Variants in CSGALNACT1 observed in about 807,000 individuals in gnomAD.
CSGALNACT1 encodes the protein beta4GalNAcT-1.
A neutral mutation model predicts 51.0 loss-of-function variants in CSGALNACT1; 52 were observed. The ratio of observed to expected loss-of-function variants is 1.02; its 90% CI spans 0.82 to 1.29. The LOEUF is 1.29. Ranked by LOEUF, CSGALNACT1 falls within the 50% of genes most tolerant of loss-of-function variation. The pLI, the probability that CSGALNACT1 is intolerant of heterozygous loss-of-function variation, is 0.00. For synonymous variants in CSGALNACT1, 341 were observed against 254.4 expected (o/e 1.34, Z -3.24); for missense variants, 935 against 679.2 (o/e 1.38, Z -4.19).
rs138372764 is a variant in CSGALNACT1, at chr8:19,431,681, G to C, written c.953+8149C>G. Among the ~76,000 whole-genome samples, 240 of 152,200 alleles carry C rather than the reference G, an allele frequency of 1.6e-3. 1 individual carries two copies. The highest frequency in any genetic ancestry group is 5.5e-3 in the African/African-American group (230 of 41,566). On this transcript the variant is annotated intron_variant, in intron 6 of 9. Transcript: ENST00000454498. ...ATCAGGGTAATGCTGGCTTCAAAGA[G>C]TAAGTTGGAAAGTGTTCTCTCCTCT...
chr8:19,585,936 G>A (rs2046532868), intron 3 of CSGALNACT1, among the ~76,000 whole-genome samples: 2 of 152,168 alleles, frequency 1.3e-5, no homozygotes, highest in Non-Finnish European at 2.9e-5. Flanking sequence ...CAATGGAACT[G>A]TGCCGATGCC....
At chr8:19,686,115 A>G (rs2154211949), upstream of CSGALNACT1, among the ~76,000 whole-genome samples, 1 of 152,270 alleles carries the variant, frequency 6.6e-6, no homozygotes, top group Non-Finnish European at 1.5e-5. Context: ...CAGTGAATCA[A>G]CCTTGGCCGA....
intron 1 of CSGALNACT1, among the ~76,000 whole-genome samples, chr8:19,654,955 A>C (rs923898872): frequency 3.3e-5 from 5 of 152,196 alleles, no homozygotes; most frequent in Non-Finnish European, 7.3e-5. Flanking sequence ...TAAAAAAAAA[A>C]ATTCTAAAAT....
At chr8:19,463,930 G>A (rs1453071968) in intron 4 of CSGALNACT1, among the ~76,000 whole-genome samples, 2 of 152,098 alleles carry the variant, frequency 1.3e-5, no homozygotes, top group Non-Finnish European at 2.9e-5. Context: ...TCCTTCAGTA[G>A]GCCAGGAGCT....
chr8:19,632,293 G>C (rs1237575592), intron 1 of CSGALNACT1, among the ~76,000 whole-genome samples: 1 of 152,158 alleles, frequency 6.6e-6, no homozygotes, highest in Non-Finnish European at 1.5e-5. Flanking sequence ...TTGTTAAATG[G>C]CCCATTTTAC....
At chr8:19,501,469 G>C (rs1427198348) in intron 4 of CSGALNACT1, among the ~76,000 whole-genome samples, 2 of 152,112 alleles carry the variant, frequency 1.3e-5, no homozygotes, top group African/African-American at 4.8e-5. Context: ...TCACTTTTCT[G>C]TGGAACATAG....
chr8:19,725,627 G>T (rs753774882), intron 1 of CSGALNACT1, among the ~76,000 whole-genome samples: 24 of 152,036 alleles, frequency 1.6e-4, no homozygotes, highest in Middle Eastern at 3.4e-3. Flanking sequence ...CTTTCATCAT[G>T]TTGGCCAGGC....
intron 1 of CSGALNACT1, among the ~76,000 whole-genome samples, chr8:19,698,378 C>T (rs562501219): frequency 6.6e-6 from 1 of 152,292 alleles, no homozygotes; most frequent in East Asian, 1.9e-4. Flanking sequence ...CACACTTGTT[C>T]ATGCTTTTGC....
chr8:19,525,327 G>C (rs111556271), intron 3 of CSGALNACT1, among the ~76,000 whole-genome samples: 1,865 of 152,106 alleles, frequency 0.012, 37 homozygotes, highest in African/African-American at 0.042. Context: ...AGAATGGCTG[G>C]GCATGGTGGC....
intron 4 of CSGALNACT1, among the ~76,000 whole-genome samples, chr8:19,479,346 A>T (rs1360352254): frequency 6.6e-6 from 1 of 152,226 alleles, no homozygotes; most frequent in Admixed American, 6.5e-5. Flanking sequence ...TATGGGAAAA[A>T]GTCCATTAAG....
At chr8:19,423,439 G>A (rs993024561) in intron 6 of CSGALNACT1, among the ~76,000 whole-genome samples, 6 of 152,168 alleles carry the variant, frequency 3.9e-5, no homozygotes, top group Non-Finnish European at 8.8e-5. Context: ...ATTTGGTGGT[G>A]TGCATGCTTA....
At chr8:19,632,655 A>G (rs769998499) in intron 1 of CSGALNACT1, among the ~76,000 whole-genome samples, 25 of 152,338 alleles carry the variant, frequency 1.6e-4, no homozygotes, top group Non-Finnish European at 2.9e-4. Context: ...ACTTCAAGTA[A>G]AACACTGAAA....
chr8:19,557,791 A>G (rs931848564), intron 3 of CSGALNACT1, among the ~76,000 whole-genome samples: 4 of 152,118 alleles, frequency 2.6e-5, no homozygotes, highest in Non-Finnish European at 4.4e-5. Flanking sequence ...GTTTGTTGTC[A>G]ATCTCCTATC....
intron 1 of CSGALNACT1, among the ~76,000 whole-genome samples, chr8:19,693,898 C>T (rs1011779079): frequency 1.3e-5 from 2 of 152,164 alleles, no homozygotes; most frequent in Admixed American, 6.6e-5. Context: ...GATCTCAATA[C>T]ATATTTTCTA....
upstream of CSGALNACT1, among the ~76,000 whole-genome samples, chr8:19,683,908 G>A (rs186315940): frequency 2.3e-3 from 344 of 152,252 alleles, 2 homozygotes; most frequent in South Asian, 0.03. Flanking sequence ...GCTCATGCCT[G>A]TAATCCCAGC....
At chr8:19,575,599 A>G (rs985336356) in intron 3 of CSGALNACT1, among the ~76,000 whole-genome samples, 21 of 152,258 alleles carry the variant, frequency 1.4e-4, no homozygotes, top group African/African-American at 4.1e-4. Context: ...AAAACCTTTG[A>G]AACAACTGTA....
chr8:19,689,188 G>A (rs1414748107), intron 1 of CSGALNACT1, among the ~76,000 whole-genome samples: 1 of 152,164 alleles, frequency 6.6e-6, no homozygotes, highest in East Asian at 1.9e-4. Flanking sequence ...CCAAGACGAT[G>A]TCATAAAAGA....
At chr8:19,686,954 C>T (rs539960642), upstream of CSGALNACT1, among the ~76,000 whole-genome samples, 1 of 152,296 alleles carries the variant, frequency 6.6e-6, no homozygotes, top group South Asian at 2.1e-4. Context: ...AGCCTTGGCA[C>T]AGAGCTTTCC....
At chr8:19,423,259 T>C (rs1019207047) in intron 6 of CSGALNACT1, among the ~76,000 whole-genome samples, 11 of 152,176 alleles carry the variant, frequency 7.2e-5, no homozygotes, top group African/African-American at 1.4e-4. Context: ...TTTGTATAGA[T>C]AGGCCAAATA....
Sources: gnomAD v4.1 joint callset for allele counts (sites outside exome capture counted in the v4.1 genomes callset) on GRCh38, gnomAD v4.1.1 for gene constraint, MANE v1.5 for transcripts, NCBI Gene and HGNC (gene_info 2026-07-23, HGNC 2026-07-21) for gene names.